NT5DC3: variants seen among roughly 807,000 people sequenced by gnomAD.
NT5DC3 encodes the protein 5'-nucleotidase domain-containing protein 3.
A neutral mutation model predicts 67.8 loss-of-function variants in NT5DC3; 42 were observed. The ratio of observed to expected loss-of-function variants is 0.62; its 90% confidence interval spans 0.48 to 0.80. The LOEUF is 0.80. NT5DC3 is among the 30% of genes least tolerant of loss of function. The pLI, the probability that NT5DC3 is intolerant of heterozygous loss-of-function variation, is 0.00. For missense variants in NT5DC3, 570 were observed against 696.4 expected (o/e 0.82, Z 2.04); for synonymous variants, 237 against 255.6 (o/e 0.93, Z 0.69).
At chr12:103,746,714 C>A in the NT5DC3 span, 2 of 1,612,350 alleles carry the variant, frequency 1.2e-6, no homozygotes, top group Non-Finnish European at 1.7e-6. Flanking sequence ...GGTAAGCCAC[C>A]TTTGTGCACA....
the NT5DC3 span, chr12:103,753,313 C>T: frequency 1.3e-5 from 21 of 1,614,232 alleles, no homozygotes; most frequent in East Asian, 2.2e-5. Flanking sequence ...AACGAAGCTG[C>T]GACCATGGCA....
chr12:103,770,310 C>T (rs74998270), downstream of NT5DC3: 1 of 152,188 alleles, frequency 6.6e-6, no homozygotes, highest in Non-Finnish European at 1.5e-5. Context: ...AAGTAACTTA[C>T]AATAAAATAC....
chr12:103,830,289 C>T (rs144882391), intron 1 of NT5DC3, among the ~76,000 whole-genome samples: 117 of 152,318 alleles, frequency 7.7e-4, no homozygotes, highest in African/African-American at 2.6e-3. Context: ...ATGGTCTATA[C>T]TATTAACTAC....
rs1885383843 is a variant in NT5DC3 at position 103,777,606 on chromosome 12, A to G, written c.*223T>C. ...ACAAAAAGGCAAAATCAGAGTTCCA[A>G]TGTGAAGCTTGCCTTTCAGCCCTGC... On this transcript the variant is annotated 3_prime_UTR_variant, in exon 14 of 14. Coordinates refer to ENST00000392876, the MANE Select transcript of NT5DC3 (RefSeq NM_001031701.3). The G allele has an allele frequency of 7.2e-6, 4 of 557,784 alleles. No homozygotes were observed. Among genetic ancestry groups the G allele is most frequent in the Non-Finnish European group, 1.2e-5 (4 of 323,654 alleles). 34.6% of individuals were successfully genotyped at this position (557,784 alleles called of 1,614,324 possible).
downstream of NT5DC3, among the ~76,000 whole-genome samples, chr12:103,767,553 TGTTA>T (rs1271457749): frequency 1.3e-4 from 20 of 152,212 alleles, no homozygotes; most frequent in Non-Finnish European, 1.9e-4. Flanking sequence ...GTATGCTGTT[TGTTA>T]GTTATATCTC....
In NT5DC3 at chr12:103,775,574, G is replaced by C. The variant is rs1885315102; in HGVS notation, c.*2255C>G. The C allele has an allele frequency of 6.6e-6, 1 of 151,972 alleles. No homozygotes were observed. The highest frequency in any genetic ancestry group is 2.4e-5 in the African/African-American group (1 of 41,382). 9.4% of individuals were successfully genotyped at this position (151,972 alleles called of 1,614,324 possible). ...AGAACCCCGACACCGAGCAGTTCTG[G>C]GCGCAACACACACCCATTAAGTGTC... On this transcript the variant is annotated 3_prime_UTR_variant, in exon 14 of 14. Coordinates refer to ENST00000392876, the MANE Select transcript of NT5DC3 (RefSeq NM_001031701.3).
Position 103,788,899 on chromosome 12 carries a change from T to G in NT5DC3, c.1040A>C (p.Glu347Ala). The change falls in exon 10 of 14, where the codon GAG becomes GCG. Residue 347 changes from glutamate (E) to alanine (A), a missense_variant. Coordinates refer to ENST00000392876, the MANE Select transcript of NT5DC3 (RefSeq NM_001031701.3). ...TTTATCCCAGAGTAAGACACCTTTC[T>G]CATTCATCTTTCGGAAAGGCCTAAC... Reference protein sequence around the residue: ...DKRRPFRKMNEKGVLLWDKIH... With the variant: ...DKRRPFRKMNAKGVLLWDKIH... 2 of 1,613,026 alleles carry G rather than the reference T, an allele frequency of 1.2e-6. No homozygotes were observed. The highest frequency in any genetic ancestry group is 2.2e-5 in the South Asian group (2 of 91,070).
chr12:103,836,202 C>T (rs1161841478), intron 1 of NT5DC3, among the ~76,000 whole-genome samples: 1 of 152,138 alleles, frequency 6.6e-6, no homozygotes, highest in African/African-American at 2.4e-5. Flanking sequence ...AATCTCATGT[C>T]CTCACATTTC....
chr12:103,765,367 T>G, the NT5DC3 span, among the ~76,000 whole-genome samples: 1 of 152,128 alleles, frequency 6.6e-6, no homozygotes, highest in African/African-American at 2.4e-5. Context: ...CATTCCAGAA[T>G]CCTAAGCATA....
downstream of NT5DC3, among the ~76,000 whole-genome samples, chr12:103,771,869 A>G (rs1885191406): frequency 6.6e-6 from 1 of 152,208 alleles, no homozygotes; most frequent in Admixed American, 6.5e-5. Context: ...TTCCTCTTAG[A>G]TGACATGCCA....
At chr12:103,786,248 AG>A (rs1339288598) in intron 11 of NT5DC3, among the ~76,000 whole-genome samples, 1 of 152,202 alleles carries the variant, frequency 6.6e-6, no homozygotes. Flanking sequence ...AGAGGAAGCA[AG>A]GAGGTTTCCA....
chr12:103,797,937 C>G (rs1470529788), intron 5 of NT5DC3, among the ~76,000 whole-genome samples: 1 of 152,124 alleles, frequency 6.6e-6, no homozygotes, highest in African/African-American at 2.4e-5. Context: ...TATGCAAAGC[C>G]TGTTTTATAA....
chr12:103,778,104 A>C, intron 13 of NT5DC3, 23 bp from the exon 14 acceptor site: 1 of 1,578,848 alleles, frequency 6.3e-7, no homozygotes, highest in Non-Finnish European at 8.6e-7. Context: ...TAAAAAAGCA[A>C]AGCAACAGAG....
Position 103,816,967 on chromosome 12 carries a change from C to CTTT in NT5DC3, c.209-1849_209-1847dup, listed in dbSNP as rs376622215. 3.7e-4 allele frequency among the ~76,000 whole-genome samples: 44 copies of CTTT among 118,966 alleles called. 2 individuals are homozygous for CTTT. The highest frequency in any genetic ancestry group is 5.2e-4 in the South Asian group (2 of 3,864). 78.0% of individuals were successfully genotyped at this position (118,966 alleles called of 152,430 possible). ...ACATCTTGGCAGTCTTTTCTTTTTT[C>CTTT]TTTTTTTTTTTTTTGCTTTCATGGA... is the stretch of plus-strand genomic sequence containing the variant. On this transcript the variant is annotated intron_variant, in intron 1 of 13. Transcript: ENST00000392876.
At chr12:103,834,688 T>C (rs1461402891) in intron 1 of NT5DC3, among the ~76,000 whole-genome samples, 1 of 152,090 alleles carries the variant, frequency 6.6e-6, no homozygotes, top group Non-Finnish European at 1.5e-5. Context: ...ATCTAAAAAA[T>C]AAAGTTTTTA....
chr12:103,823,589 T>C (rs1168070388), intron 1 of NT5DC3, among the ~76,000 whole-genome samples: 1 of 152,224 alleles, frequency 6.6e-6, no homozygotes, highest in East Asian at 1.9e-4. Context: ...TTCATAATAT[T>C]CATATACTTC....
intron 1 of NT5DC3, among the ~76,000 whole-genome samples, chr12:103,823,278 G>A (rs550084366): frequency 1.3e-5 from 2 of 150,472 alleles, no homozygotes; most frequent in South Asian, 4.2e-4. Context: ...CATGTACCAC[G>A]AGGCTTTCCG....
chr12:103,758,030 GAC>G, the NT5DC3 span: 19 of 1,266,636 alleles, frequency 1.5e-5, no homozygotes, highest in Middle Eastern at 8.1e-4. Context: ...GCAGGCAGAA[GAC>G]ACAGCAAAGG....
the NT5DC3 span, among the ~76,000 whole-genome samples, chr12:103,751,323 GC>G: frequency 2.0e-5 from 3 of 152,176 alleles, no homozygotes; most frequent in Non-Finnish European, 4.4e-5. Context: ...GAAGGATGAA[GC>G]CATGAGGAAG....
Sources: gnomAD v4.1 joint callset for allele counts (sites outside exome capture counted in the v4.1 genomes callset) on GRCh38, gnomAD v4.1.1 for gene constraint, MANE v1.5 for transcripts, NCBI Gene and HGNC (gene_info 2026-07-23, HGNC 2026-07-21) for gene names.